Variants in TMEM123 observed in about 807,000 individuals in gnomAD.
TMEM123 encodes porimin.
A neutral mutation model predicts 19.7 loss-of-function variants in TMEM123; 16 were observed. That is an observed-to-expected ratio of 0.81 (90% CI 0.55 to 1.23). TMEM123 has a LOEUF of 1.23. TMEM123 is among the 50% of genes most tolerant of loss of function. The pLI is 0.00. For missense variants in TMEM123, 313 were observed against 257.8 expected, an observed-to-expected ratio of 1.21 and a Z score of -1.47; for synonymous variants, 118 against 99.4, an observed-to-expected ratio of 1.19 and a Z score of -1.12.
At chr11:102,401,407 G>A in intron 4 of TMEM123, 132 bp downstream of exon 4, 4 of 797,356 alleles carry the variant, frequency 5.0e-6, no homozygotes, top group Non-Finnish European at 5.4e-6. Flanking sequence ...GGGCCAAAAG[G>A]GTTAATGGGA....
At chr11:102,448,273 G>T (rs906855998) in intron 2 of TMEM123, 1 of 456,220 alleles carries the variant, frequency 2.2e-6, no homozygotes. Context: ...ACATCAGCCT[G>T]GTTCTTGCAT....
Position 102,401,961 on chromosome 11 carries a change from C to A in TMEM123, c.403G>T (p.Val135Leu), listed in dbSNP as rs776629530. Residue 135 changes from valine (V) to leucine (L), a missense_variant, in exon 3 of 5, where the codon GTA becomes TTA. Physicochemically the swap from Val to Leu is conservative, Grantham distance 32 (BLOSUM62 1). Coordinates refer to ENST00000398136, the MANE Select transcript of TMEM123 (RefSeq NM_052932.3). ...TSQISTSTMTVTHNSSVTSAA... is the reference protein window; with the variant it reads ...TSQISTSTMTLTHNSSVTSAA... ...GATGTCACTGAACTATTGTGGGTTA[C>A]GGTCATTGTGGATGTTGATATCTGA... 6.2e-7 allele frequency: 1 copy of A among 1,614,122 alleles called. No individual in the cohort carries two copies. Among genetic ancestry groups the A allele is most frequent in the Non-Finnish European group, 8.5e-7 (1 of 1,180,016 alleles).
intron 2 of TMEM123, among the ~76,000 whole-genome samples, chr11:102,442,962 T>C (rs531416912): frequency 6.6e-6 from 1 of 152,226 alleles, no homozygotes; most frequent in Admixed American, 6.5e-5. Context: ...TCAAAGAGAA[T>C]AAAATACCTA....
At chr11:102,439,501 AC>A (rs1484046604) in intron 2 of TMEM123, among the ~76,000 whole-genome samples, 1 of 152,142 alleles carries the variant, frequency 6.6e-6, no homozygotes, top group Non-Finnish European at 1.5e-5. Context: ...TAGAAGGAAA[AC>A]TAACAAACAG....
intron 2 of TMEM123, among the ~76,000 whole-genome samples, chr11:102,433,448 G>A (rs1242910332): frequency 6.6e-6 from 1 of 151,956 alleles, no homozygotes; most frequent in East Asian, 1.9e-4. Context: ...ATCCCATTTG[G>A]AACAGGTGTA....
At chr11:102,416,451 A>C (rs1274110871) in intron 2 of TMEM123, among the ~76,000 whole-genome samples, 1 of 152,166 alleles carries the variant, frequency 6.6e-6, no homozygotes, top group Non-Finnish European at 1.5e-5. Flanking sequence ...ACCTCCCAAG[A>C]CTGAACCAAG....
At chr11:102,431,055 T>C (rs1157121065) in intron 2 of TMEM123, among the ~76,000 whole-genome samples, 1 of 152,174 alleles carries the variant, frequency 6.6e-6, no homozygotes, top group Non-Finnish European at 1.5e-5. Flanking sequence ...TTTCATGTCA[T>C]GAAGATATAA....
intron 2 of TMEM123, among the ~76,000 whole-genome samples, chr11:102,406,750 A>G (rs1951959149): frequency 6.6e-6 from 1 of 151,914 alleles, no homozygotes; most frequent in Non-Finnish European, 1.5e-5. Flanking sequence ...GGGCGCCTGT[A>G]GTCCCAGCTA....
At chr11:102,412,016 T>C (rs1952009576) in intron 2 of TMEM123, among the ~76,000 whole-genome samples, 1 of 152,224 alleles carries the variant, frequency 6.6e-6, no homozygotes, top group South Asian at 2.1e-4. Context: ...AGTTCATTTT[T>C]ATTTCTGTTG....
intron 2 of TMEM123, among the ~76,000 whole-genome samples, chr11:102,430,290 G>C (rs1457557045): frequency 1.3e-5 from 2 of 152,192 alleles, no homozygotes; most frequent in African/African-American, 4.8e-5. Context: ...CATAGCATTC[G>C]CATATCCTTT....
chr11:102,448,016 A>G (rs910845001), intron 2 of TMEM123, among the ~76,000 whole-genome samples: 1 of 152,240 alleles, frequency 6.6e-6, no homozygotes, highest in Non-Finnish European at 1.5e-5. Context: ...ATAAAAAACA[A>G]AAGAACAAAA....
Position 102,401,950 on chromosome 11 carries a change from A to G in TMEM123, c.414T>C (p.Asn138=), listed in dbSNP as rs771635959. 6.2e-7 allele frequency: 1 copy of G among 1,614,170 alleles called. No homozygotes were observed. The highest frequency in any genetic ancestry group is 1.6e-4 in the Middle Eastern group (1 of 6,062). Residue 138 remains asparagine, a synonymous_variant, in exon 3 of 5, where the codon AAT becomes AAC. Coordinates refer to ENST00000398136, the MANE Select transcript of TMEM123 (RefSeq NM_052932.3). The stretch of plus-strand genomic sequence containing the variant: ...ATGAAGCAGCAGATGTCACTGAACT[A>G]TTGTGGGTTACGGTCATTGTGGATG... The part of the protein sequence containing the change: ...ISTSTMTVTH[N]SSVTSAASSV...
At chr11:102,428,208 T>A (rs1253715452) in intron 2 of TMEM123, among the ~76,000 whole-genome samples, 1 of 152,214 alleles carries the variant, frequency 6.6e-6, no homozygotes, top group Non-Finnish European at 1.5e-5. Flanking sequence ...TGTTGATATT[T>A]CAGATCTAAC....
intron 2 of TMEM123, among the ~76,000 whole-genome samples, chr11:102,430,210 C>A (rs1487548741): frequency 6.6e-6 from 1 of 152,192 alleles, no homozygotes; most frequent in Non-Finnish European, 1.5e-5. Flanking sequence ...TTTGTTTTGA[C>A]CAAGGGGCTC....
intron 2 of TMEM123, among the ~76,000 whole-genome samples, chr11:102,439,950 T>A (rs1387161725): frequency 6.6e-6 from 1 of 152,162 alleles, no homozygotes; most frequent in Non-Finnish European, 1.5e-5. Context: ...AGTGTATCAG[T>A]GATTGAAGAT....
At chr11:102,446,349 C>G (rs1857883161) in intron 2 of TMEM123, among the ~76,000 whole-genome samples, 1 of 152,156 alleles carries the variant, frequency 6.6e-6, no homozygotes, top group Admixed American at 6.5e-5. Flanking sequence ...AAAAGTACAG[C>G]TGTCTTCAAA....
chr11:102,431,900 G>C (rs1483129251), intron 2 of TMEM123, among the ~76,000 whole-genome samples: 3 of 152,142 alleles, frequency 2.0e-5, no homozygotes, highest in Non-Finnish European at 2.9e-5. Context: ...TTAAGCGTCT[G>C]GCATCTCCCT....
rs746648852 is a variant in TMEM123 at position 102,402,057 on chromosome 11, C to A, written c.307G>T (p.Val103Phe). 1 of 1,613,972 alleles carries A rather than the reference C, an allele frequency of 6.2e-7. No individual in the cohort carries two copies. Among genetic ancestry groups the A allele is most frequent in the South Asian group, 1.1e-5 (1 of 91,068 alleles). Residue 103 changes from valine (V) to phenylalanine (F), a missense_variant, in exon 3 of 5, where the codon GTC becomes TTC. By Grantham distance (50) the Val-to-Phe change is conservative (BLOSUM62 -1). Transcript: ENST00000398136. ...GTGGTAGAAGTCATATTTGTTGAGA[C>A]CATCCCTGGTGTTGTTGTATTAGAT... ...AASNTTTPGM[V>F]STNMTSTTLK...
chr11:102,403,171 G>C (rs1951927715), intron 2 of TMEM123, among the ~76,000 whole-genome samples: 1 of 151,678 alleles, frequency 6.6e-6, no homozygotes, highest in African/African-American at 2.4e-5. Flanking sequence ...CTACCATGCT[G>C]GCTAATTTTT....
Sources: allele counts gnomAD v4.1 joint callset (sites outside exome capture counted in the v4.1 genomes callset), GRCh38; gene constraint gnomAD v4.1.1; transcripts MANE v1.5; gene names NCBI Gene and HGNC (gene_info 2026-07-23, HGNC 2026-07-21).